The following DCDC1 variants were observed in gnomAD, a reference collection of about 807,000 sequenced individuals.
DCDC1 encodes the protein doublecortin domain-containing protein 1.
DCDC1 carries 200 observed loss-of-function variants against 178.3 expected under a neutral mutation model. That is an observed-to-expected ratio of 1.12 (90% CI 1.00 to 1.26). The LOEUF is 1.26. DCDC1 is among the 50% of genes most tolerant of loss of function. The pLI is 0.00. For missense variants in DCDC1, 1,983 were observed against 1,749.2 expected (o/e 1.13, Z -2.38); for synonymous variants, 690 against 604.8 (o/e 1.14, Z -2.07).
intron 9 of DCDC1, among the ~76,000 whole-genome samples, chr11:31,145,897 T>C (rs1964391878): frequency 6.6e-6 from 1 of 152,198 alleles, no homozygotes; most frequent in African/African-American, 2.4e-5. Context: ...TTGTCTTTTT[T>C]CCTTGGCTTA....
intron 20 of DCDC1, among the ~76,000 whole-genome samples, chr11:31,033,620 A>G (rs1590823455): frequency 6.6e-6 from 1 of 152,188 alleles, no homozygotes; most frequent in South Asian, 2.1e-4. Context: ...TGAAGGTTTC[A>G]AATATCACAG....
chr11:30,939,065 G>A (rs1947466910), intron 21 of DCDC1, among the ~76,000 whole-genome samples: 1 of 152,054 alleles, frequency 6.6e-6, no homozygotes, highest in South Asian at 2.1e-4. Flanking sequence ...TTGTATCTAG[G>A]ATACATCTCA....
intron 20 of DCDC1, among the ~76,000 whole-genome samples, chr11:30,960,766 C>G (rs1254862608): frequency 2.0e-5 from 3 of 149,928 alleles, no homozygotes; most frequent in Non-Finnish European, 4.5e-5. Flanking sequence ...GAAGGACCTA[C>G]TTGAAAACAC....
At chr11:31,117,725 A>C (rs1472139166) in intron 11 of DCDC1, among the ~76,000 whole-genome samples, 1 of 151,938 alleles carries the variant, frequency 6.6e-6, no homozygotes, top group East Asian at 1.9e-4. Context: ...ACAAAAAATC[A>C]ATTTGTATCC....
At chr11:31,259,793 C>T (rs999747096) in intron 8 of DCDC1, among the ~76,000 whole-genome samples, 4 of 152,160 alleles carry the variant, frequency 2.6e-5, no homozygotes, top group African/African-American at 9.7e-5. Context: ...CAGCTTGGGC[C>T]GTCTGGCATC....
intron 36 of DCDC1, chr11:30,882,084 T>A (rs1326066641): frequency 1.3e-5 from 2 of 153,454 alleles, no homozygotes; most frequent in Non-Finnish European, 2.9e-5. Flanking sequence ...CAAAAGCCTG[T>A]TCCCCCAAAA....
At chr11:30,942,686 G>T (rs1431729767) in intron 21 of DCDC1, among the ~76,000 whole-genome samples, 1 of 152,058 alleles carries the variant, frequency 6.6e-6, no homozygotes, top group Non-Finnish European at 1.5e-5. Context: ...CTTCCAACTT[G>T]TCCCATGGCA....
At chr11:30,949,470 A>G (rs755113573) in intron 21 of DCDC1, among the ~76,000 whole-genome samples, 35 of 152,244 alleles carry the variant, frequency 2.3e-4, no homozygotes, top group Non-Finnish European at 7.3e-5. Flanking sequence ...ATCTAGAACC[A>G]GAAATGCCAT....
In DCDC1 at chr11:31,307,750, T is replaced by G; in HGVS notation, c.323A>C (p.His108Pro). 1.2e-6 allele frequency: 2 copies of G among 1,614,172 alleles called. No homozygotes were observed. The highest frequency in any genetic ancestry group is 1.7e-6 in the Non-Finnish European group (2 of 1,180,010). Residue 108 changes from histidine (H) to proline (P), a missense_variant, in exon 4 of 39, where the codon CAT (histidine) becomes CCT (proline). Physicochemically the swap from His to Pro is moderately conservative, Grantham distance 77. Transcript: ENST00000684477. The part of the protein sequence containing the change: ...STHQTASDHS[H>P]DEISDLDSYK... ...GCTATCTAGGTCTGATATTTCATCA[T>G]GGCTGTGATCTGATGCTGTTTGATG...
intron 20 of DCDC1, among the ~76,000 whole-genome samples, chr11:30,984,966 G>T (rs537201914): frequency 6.6e-6 from 1 of 152,290 alleles, no homozygotes; most frequent in Non-Finnish European, 1.5e-5. Flanking sequence ...TGAGTTCCCA[G>T]GGTCTCAAAG....
At chr11:31,061,978 A>G (rs943745707) in intron 20 of DCDC1, among the ~76,000 whole-genome samples, 1 of 152,066 alleles carries the variant, frequency 6.6e-6, no homozygotes, top group African/African-American at 2.4e-5. Flanking sequence ...GGAAGAAGCA[A>G]CAACAGAATG....
At chr11:31,012,649 C>A (rs1213507849) in intron 20 of DCDC1, among the ~76,000 whole-genome samples, 1 of 150,548 alleles carries the variant, frequency 6.6e-6, no homozygotes, top group East Asian at 1.9e-4. Flanking sequence ...AATAGAAAAT[C>A]TCCACTAACA....
intron 7 of DCDC1, among the ~76,000 whole-genome samples, chr11:31,285,369 A>G (rs1591642116): frequency 1.3e-5 from 2 of 152,270 alleles, no homozygotes; most frequent in African/African-American, 4.8e-5. Context: ...AAGTTCCAAC[A>G]TACTAATTAT....
intron 20 of DCDC1, among the ~76,000 whole-genome samples, chr11:30,954,605 A>G (rs186469732): frequency 6.6e-6 from 1 of 152,336 alleles, no homozygotes; most frequent in African/African-American, 2.4e-5. Flanking sequence ...ATTAGCCAAT[A>G]AAATGTAACA....
intron 11 of DCDC1, among the ~76,000 whole-genome samples, chr11:31,111,059 A>C (rs1315417047): frequency 6.6e-6 from 1 of 152,178 alleles, no homozygotes; most frequent in African/African-American, 2.4e-5. Flanking sequence ...ACTAGAGTGA[A>C]CACCACCCCT....
chr11:31,128,087 A>G (rs1301151377), intron 10 of DCDC1, among the ~76,000 whole-genome samples: 1 of 151,880 alleles, frequency 6.6e-6, no homozygotes, highest in Non-Finnish European at 1.5e-5. Flanking sequence ...TAAATTTTCA[A>G]TATATATATT....
intron 20 of DCDC1, among the ~76,000 whole-genome samples, chr11:30,997,557 G>T (rs1951338528): frequency 6.6e-6 from 1 of 152,110 alleles, no homozygotes; most frequent in Non-Finnish European, 1.5e-5. Flanking sequence ...TATAAGTATT[G>T]TATGCCAGCT....
At chr11:30,985,735 C>T (rs917328658) in intron 20 of DCDC1, among the ~76,000 whole-genome samples, 1 of 152,158 alleles carries the variant, frequency 6.6e-6, no homozygotes, top group Non-Finnish European at 1.5e-5. Flanking sequence ...TAGTTTCAAA[C>T]ACATGATCAT....
chr11:31,174,474 G>T (rs1454902758), intron 9 of DCDC1, among the ~76,000 whole-genome samples: 1 of 152,176 alleles, frequency 6.6e-6, no homozygotes, highest in African/African-American at 2.4e-5. Context: ...GCACCCCTCA[G>T]CATGAACAGT....
Sources: allele counts gnomAD v4.1 joint callset (sites outside exome capture counted in the v4.1 genomes callset), GRCh38; gene constraint gnomAD v4.1.1; transcripts MANE v1.5; gene names NCBI Gene and HGNC (gene_info 2026-07-23, HGNC 2026-07-21).